The following SEMA3D variants were observed in gnomAD, a reference collection of about 807,000 sequenced individuals.
The protein encoded by SEMA3D is semaphorin-3D.
In SEMA3D, 84 loss-of-function variants were observed where a neutral mutation model predicts 100.1. That is an observed-to-expected ratio of 0.84 (90% confidence interval 0.70 to 1.01). The LOEUF (loss-of-function observed/expected upper bound fraction) is 1.01. Ranked by LOEUF, SEMA3D falls within the 50% of genes least tolerant of loss-of-function variation. The pLI, the probability that SEMA3D is intolerant of heterozygous loss-of-function variation, is 0.00. For missense variants in SEMA3D, 875 were observed against 934.1 expected (o/e 0.94, Z 0.82); for synonymous variants, 312 against 320.7 (o/e 0.97, Z 0.29).
chr7:85,053,649 G>A (rs1791228720), intron 9 of SEMA3D, among the ~76,000 whole-genome samples: 1 of 151,890 alleles, frequency 6.6e-6, no homozygotes. Flanking sequence ...AGAAACATGG[G>A]CAGCATGTGA....
upstream of SEMA3D, among the ~76,000 whole-genome samples, chr7:85,189,710 A>G (rs558103976): frequency 3.3e-4 from 51 of 152,328 alleles, no homozygotes; most frequent in South Asian, 8.9e-3. Flanking sequence ...ATGTTCTTGG[A>G]AACATTATTG....
At chr7:85,057,158 G>A (rs1791344523) in intron 8 of SEMA3D, among the ~76,000 whole-genome samples, 1 of 151,986 alleles carries the variant, frequency 6.6e-6, no homozygotes, top group African/African-American at 2.4e-5. Context: ...AAAAATGTTT[G>A]CAATATGATG....
At chr7:85,143,138 A>G (rs1460811791) in intron 2 of SEMA3D, 1 of 980,692 alleles carries the variant, frequency 1.0e-6, no homozygotes, top group Non-Finnish European at 1.2e-6. Context: ...ACAACACACA[A>G]TTAGGTATGA....
At chr7:85,176,247 T>C (rs34741307) in intron 1 of SEMA3D, among the ~76,000 whole-genome samples, 19,279 of 152,196 alleles carry the variant, frequency 0.13, 1,447 homozygotes, top group East Asian at 0.35. Context: ...TAAATTTATT[T>C]TGTGTAACAG....
chr7:85,222,379 C>T, the SEMA3D span, among the ~76,000 whole-genome samples: 1 of 151,958 alleles, frequency 6.6e-6, no homozygotes, highest in East Asian at 1.9e-4. Context: ...TGAATATAAG[C>T]ATAAAAGACT....
chr7:85,091,516 G>A (rs1012545645), intron 4 of SEMA3D, among the ~76,000 whole-genome samples: 2 of 151,176 alleles, frequency 1.3e-5, no homozygotes, highest in Non-Finnish European at 2.9e-5. Flanking sequence ...AAAAAAAAGA[G>A]TGAGAAAGAG....
At chr7:85,024,040 C>T (rs540374544) in intron 12 of SEMA3D, among the ~76,000 whole-genome samples, 1 of 152,002 alleles carries the variant, frequency 6.6e-6, no homozygotes, top group Admixed American at 6.6e-5. Context: ...GGATGTTGGT[C>T]TAAAGATCTA....
chr7:85,084,125 C>A (rs1269702678), intron 4 of SEMA3D, among the ~76,000 whole-genome samples: 1 of 151,466 alleles, frequency 6.6e-6, no homozygotes, highest in Non-Finnish European at 1.5e-5. Flanking sequence ...CCAGCCTGGG[C>A]GACAGAGCGA....
At chr7:85,150,545 T>C (rs1487819041) in intron 2 of SEMA3D, among the ~76,000 whole-genome samples, 1 of 148,152 alleles carries the variant, frequency 6.7e-6, no homozygotes, top group African/African-American at 2.5e-5. Context: ...ATAGAATATA[T>C]ATATATTCTG....
At chr7:85,141,919 T>C in intron 2 of SEMA3D, 2 of 980,420 alleles carry the variant, frequency 2.0e-6, no homozygotes, top group Non-Finnish European at 2.4e-6. Flanking sequence ...TATTAATTTA[T>C]GATGTGTGCA....
chr7:85,001,039 G>GA (rs893322980), intron 18 of SEMA3D, among the ~76,000 whole-genome samples: 7 of 152,126 alleles, frequency 4.6e-5, no homozygotes, highest in Non-Finnish European at 1.0e-4. Flanking sequence ...ATCTTTATGT[G>GA]AAAAATATGT....
At chr7:85,206,168 T>C in the SEMA3D span, among the ~76,000 whole-genome samples, 8 of 152,278 alleles carry the variant, frequency 5.3e-5, no homozygotes, top group South Asian at 2.1e-4. Context: ...CCCTAACTTA[T>C]GTAATAAACT....
At chr7:85,083,059 A>C (rs917221089) in intron 4 of SEMA3D, among the ~76,000 whole-genome samples, 3 of 152,226 alleles carry the variant, frequency 2.0e-5, no homozygotes, top group Non-Finnish European at 4.4e-5. Flanking sequence ...GGAAATTAGC[A>C]ACTCATTATT....
At chr7:85,186,040 T>A (rs980333789) in intron 1 of SEMA3D, among the ~76,000 whole-genome samples, 4 of 152,160 alleles carry the variant, frequency 2.6e-5, no homozygotes, top group African/African-American at 9.7e-5. Context: ...CACACTTCCA[T>A]CAGACGGAAC....
chr7:85,022,527 C>T lies in SEMA3D; in HGVS notation c.1278G>A (p.Val426=), dbSNP rs199899518. ...CAACTGGGTATACGGACTTATACAT[C>T]ACAGAGTGCCGCTTTATGAAACTGA... ...DVISFIKRHS[V]MYKSVYPVAG... is the part of the protein sequence containing the mutation. Residue 426 remains valine (V), a synonymous_variant, in exon 13 of 19, where the codon GTG becomes GTA. Coordinates refer to ENST00000284136, the MANE Select transcript of SEMA3D (RefSeq NM_001384900.1). 26 of 1,612,492 alleles carry T rather than the reference C, an allele frequency of 1.6e-5. No individual in the cohort carries two copies. The East Asian group carries it at 4.2e-4, about 26-fold the overall frequency.
rs1789496385 is a variant in SEMA3D at position 84,996,248 on chromosome 7, CTT to C, written c.*3190_*3191del. 3.3e-5 allele frequency: 5 copies of C among 151,906 alleles called. No individual in the cohort carries two copies. In the South Asian group the frequency reaches 1.0e-3, roughly 31 times the overall value. 9.4% of individuals were successfully genotyped at this position (151,906 alleles called of 1,614,324 possible). ...AATGAAAACAAGTGACTACTAATAA[CTT>C]ATTGTTTAGCTGAGTCTGTAAAATT... On this transcript the variant is annotated 3_prime_UTR_variant, in exon 19 of 19. Coordinates refer to ENST00000284136, the MANE Select transcript of SEMA3D (RefSeq NM_001384900.1).
At chr7:85,143,074 C>T (rs758734129) in intron 2 of SEMA3D, 1 of 927,912 alleles carries the variant, frequency 1.1e-6, no homozygotes, top group Non-Finnish European at 1.3e-6. Context: ...GACAAACTTA[C>T]AATTAGTTAT....
At chr7:85,250,193 C>T in the SEMA3D span, among the ~76,000 whole-genome samples, 13 of 151,078 alleles carry the variant, frequency 8.6e-5, no homozygotes, top group African/African-American at 3.2e-4. Context: ...GAGATTATAA[C>T]CCGCACCTGG....
At chr7:85,059,851 T>C (rs534448897) in intron 8 of SEMA3D, among the ~76,000 whole-genome samples, 4 of 152,284 alleles carry the variant, frequency 2.6e-5, no homozygotes, top group African/African-American at 9.6e-5. Flanking sequence ...TAAATAAATA[T>C]GGCAATTCAT....
Sources: allele counts gnomAD v4.1 joint callset (sites outside exome capture counted in the v4.1 genomes callset), GRCh38; gene constraint gnomAD v4.1.1; transcripts MANE v1.5; gene names NCBI Gene and HGNC (gene_info 2026-07-23, HGNC 2026-07-21).